The following CCSER1 variants were observed in gnomAD, a reference collection of about 807,000 sequenced individuals.
CCSER1 encodes serine-rich coiled-coil domain-containing protein 1.
In CCSER1, 41 loss-of-function variants were observed where a neutral mutation model predicts 82.0. The ratio of observed to expected loss-of-function variants is 0.50; its 90% CI spans 0.39 to 0.65. The LOEUF (loss-of-function observed/expected upper bound fraction) is 0.65, where lower values mean the gene tolerates loss of function less well. Among genes scored for constraint, CCSER1 ranks in the 30% least tolerant of loss-of-function variants. The pLI, the probability that CCSER1 is intolerant of heterozygous loss-of-function variation, is 0.00. For missense variants in CCSER1, 1,119 were observed against 1,064.2 expected (o/e 1.05, Z -0.72); for synonymous variants, 414 against 383.9 (o/e 1.08, Z -0.92).
chr4:90,809,342 G>A (rs28871370), intron 7 of CCSER1, among the ~76,000 whole-genome samples: 250 of 128,472 alleles, frequency 1.9e-3, no homozygotes, highest in Non-Finnish European at 2.8e-3. Context: ...ACACACACAC[G>A]CACACACACA....
intron 6 of CCSER1, among the ~76,000 whole-genome samples, chr4:90,689,057 T>G (rs1735331415): frequency 6.6e-6 from 1 of 152,162 alleles, no homozygotes; most frequent in East Asian, 1.9e-4. Context: ...CACATTTACC[T>G]AAGCATTTAG....
rs528790236 is a variant in CCSER1, at chr4:91,247,073, G to A, written c.2217+161079G>A. ...TCCCAGCACTTTGGGAGGCCGAGGCGGGTGGATCACGAGGTCAGGAGATCA... is the reference window on the plus strand; with the variant it reads ...TCCCAGCACTTTGGGAGGCCGAGGCAGGTGGATCACGAGGTCAGGAGATCA... On this transcript the variant is annotated intron_variant, in intron 10 of 10. Transcript: ENST00000509176. Among the ~76,000 whole-genome samples the A allele has an allele frequency of 2.5e-4, 38 of 151,910 alleles. 1 individual carries two copies. The highest frequency in any genetic ancestry group is 8.2e-4 in the African/African-American group (34 of 41,444).
At chr4:90,993,333 C>G (rs1031445761) in intron 9 of CCSER1, among the ~76,000 whole-genome samples, 1 of 151,864 alleles carries the variant, frequency 6.6e-6, no homozygotes, top group Non-Finnish European at 1.5e-5. Flanking sequence ...TAATTATTCT[C>G]GGGTGGAACT....
intron 9 of CCSER1, among the ~76,000 whole-genome samples, chr4:90,928,748 T>A (rs1356524919): frequency 6.6e-6 from 1 of 152,102 alleles, no homozygotes; most frequent in Non-Finnish European, 1.5e-5. Flanking sequence ...CTTTGTGATG[T>A]GCTTCTTGAA....
chr4:91,122,576 C>G (rs1727182717), intron 10 of CCSER1, among the ~76,000 whole-genome samples: 1 of 151,674 alleles, frequency 6.6e-6, no homozygotes, highest in South Asian at 2.1e-4. Flanking sequence ...AAGGAAAAAC[C>G]TATTAAATAC....
rs1039013647 is a variant in CCSER1 at position 90,178,698 on chromosome 4, CAACAATAGTAAGGG to C, written c.-42+50878_-42+50891del. Among the ~76,000 whole-genome samples, 9 of 152,002 alleles carry C rather than the reference CAACAATAGTAAGGG, an allele frequency of 5.9e-5. No homozygotes were observed. In the South Asian group the frequency reaches 1.0e-3, roughly 17 times the overall value. On this transcript the variant is annotated intron_variant, in intron 1 of 10. Transcript: ENST00000509176. Reference sequence around the variant, plus strand: ...TGAATATGCTGGACTTTTGAAATGACAACAATAGTAAGGGAACAATAGTACATTCTTGAAAGATA... The same window carrying C: ...TGAATATGCTGGACTTTTGAAATGACAACAATAGTACATTCTTGAAAGATA...
intron 10 of CCSER1, among the ~76,000 whole-genome samples, chr4:91,381,234 C>T (rs910810955): frequency 6.6e-5 from 10 of 152,196 alleles, no homozygotes; most frequent in Admixed American, 4.6e-4. Context: ...CTTGGGGTTG[C>T]TCTTCTCGAG....
In CCSER1 at chr4:91,511,517, T is replaced by C. The variant is rs533261498; in HGVS notation, c.2218-87055T>C. 1.8e-4 allele frequency among the ~76,000 whole-genome samples: 27 copies of C among 152,256 alleles called. No homozygotes were observed. In the South Asian group the frequency reaches 5.2e-3, roughly 29 times the overall value. ...CAGGGGGTCCCTAAACCCTGGGCCA[T>C]GGACTGGTACCACACAGCAGGAGGT... On this transcript the variant is annotated intron_variant, in intron 10 of 10. Coordinates refer to ENST00000509176, the MANE Select transcript of CCSER1 (RefSeq NM_001145065.2).
intron 10 of CCSER1, among the ~76,000 whole-genome samples, chr4:91,318,880 C>G (rs9999729): frequency 0.78 from 118,835 of 151,836 alleles, 47,250 homozygotes; most frequent in African/African-American, 0.93. Context: ...TGTGCATATT[C>G]CCTCATTAGT....
At chr4:91,226,112 G>A (rs746494564) in intron 10 of CCSER1, among the ~76,000 whole-genome samples, 6 of 151,772 alleles carry the variant, frequency 4.0e-5, no homozygotes, top group Non-Finnish European at 5.9e-5. Context: ...CCATTAACTC[G>A]TCATTTAACA....
chr4:90,236,498 C>A (rs561277675), intron 1 of CCSER1, among the ~76,000 whole-genome samples: 1 of 152,002 alleles, frequency 6.6e-6, no homozygotes, highest in African/African-American at 2.4e-5. Flanking sequence ...TTCTTAAGGG[C>A]GAAACAATCT....
At chr4:90,399,791 A>G (rs1578276202) in intron 3 of CCSER1, among the ~76,000 whole-genome samples, 1 of 152,218 alleles carries the variant, frequency 6.6e-6, no homozygotes, top group East Asian at 1.9e-4. Flanking sequence ...CATAAATATC[A>G]TTAAAAAAGA....
intron 8 of CCSER1, among the ~76,000 whole-genome samples, chr4:90,868,051 A>T (rs1413640985): frequency 2.0e-5 from 3 of 152,026 alleles, no homozygotes; most frequent in Non-Finnish European, 4.4e-5. Context: ...TTTTTAAAAA[A>T]TTTTTAATTC....
intron 6 of CCSER1, among the ~76,000 whole-genome samples, chr4:90,698,272 G>A (rs1197008718): frequency 6.6e-6 from 1 of 152,180 alleles, no homozygotes; most frequent in Non-Finnish European, 1.5e-5. Flanking sequence ...AGTAAGGAAT[G>A]TAGTCAGTGC....
chr4:91,363,780 A>G (rs1749424925), intron 10 of CCSER1, among the ~76,000 whole-genome samples: 1 of 151,710 alleles, frequency 6.6e-6, no homozygotes, highest in South Asian at 2.1e-4. Flanking sequence ...TTATTACTAT[A>G]TTTATTTCTG....
At chr4:91,420,830 T>C (rs1433128022) in intron 10 of CCSER1, among the ~76,000 whole-genome samples, 1 of 152,110 alleles carries the variant, frequency 6.6e-6, no homozygotes, top group South Asian at 2.1e-4. Context: ...GTGATAGAGA[T>C]AGATAGATAG....
chr4:91,009,247 A>AAGGG (rs1738796098), intron 9 of CCSER1, among the ~76,000 whole-genome samples: 2 of 152,136 alleles, frequency 1.3e-5, no homozygotes, highest in Non-Finnish European at 2.9e-5. Flanking sequence ...CTCCCATACA[A>AAGGG]AGGGAGGGGA....
intron 10 of CCSER1, among the ~76,000 whole-genome samples, chr4:91,488,038 G>T (rs1335238445): frequency 6.6e-6 from 1 of 151,884 alleles, no homozygotes. Flanking sequence ...ATATTTTATA[G>T]AAAGCATTTG....
intron 9 of CCSER1, among the ~76,000 whole-genome samples, chr4:90,986,431 AC>A (rs1187876269): frequency 1.3e-5 from 2 of 151,870 alleles, no homozygotes; most frequent in Non-Finnish European, 2.9e-5. Flanking sequence ...AATTTAAAAC[AC>A]CTGATTATTT....
Sources: gnomAD v4.1 joint callset for allele counts (sites outside exome capture counted in the v4.1 genomes callset) on GRCh38, gnomAD v4.1.1 for gene constraint, MANE v1.5 for transcripts, NCBI Gene and HGNC (gene_info 2026-07-23, HGNC 2026-07-21) for gene names.